The following EIF2B3 variants were observed in gnomAD, a reference collection of about 807,000 sequenced individuals.
EIF2B3 encodes translation initiation factor eIF2B subunit gamma.
In EIF2B3, 20 loss-of-function variants were observed where a neutral mutation model predicts 54.1. The ratio of observed to expected loss-of-function variants is 0.37; its 90% CI spans 0.26 to 0.54. EIF2B3 has a LOEUF of 0.54. Among genes scored for constraint, EIF2B3 ranks in the 20% least tolerant of loss-of-function variants. The pLI is 0.86. For synonymous variants in EIF2B3, 153 were observed against 188.1 expected, an observed-to-expected ratio of 0.81 and a Z score of 1.52; for missense variants, 448 against 547.8, an observed-to-expected ratio of 0.82 and a Z score of 1.82.
intron 3 of EIF2B3, among the ~76,000 whole-genome samples, chr1:44,966,845 C>T (rs183116050): frequency 1.7e-4 from 26 of 152,172 alleles, no homozygotes; most frequent in African/African-American, 3.4e-4. Flanking sequence ...TTTTTTGAGA[C>T]GGAGTCTCAC....
intron 3 of EIF2B3, among the ~76,000 whole-genome samples, chr1:44,957,114 A>C (rs1161633945): frequency 6.6e-6 from 1 of 152,148 alleles, no homozygotes. Context: ...AAAAGAAAAA[A>C]AATTAGCCGG....
At chr1:44,914,160 ATTTT>A (rs34681417) in intron 5 of EIF2B3, among the ~76,000 whole-genome samples, 1 of 133,624 alleles carries the variant, frequency 7.5e-6, no homozygotes, top group Non-Finnish European at 1.6e-5. Context: ...TAAATTGGGA[ATTTT>A]TTTTTTTTTT....
chr1:44,899,910 A>T (rs1643243892), intron 5 of EIF2B3, among the ~76,000 whole-genome samples: 1 of 152,252 alleles, frequency 6.6e-6, no homozygotes, highest in Non-Finnish European at 1.5e-5. Flanking sequence ...TAGTCACAAT[A>T]GCAAAGACAT....
chr1:44,884,823 C>T (rs1427737187), intron 6 of EIF2B3, among the ~76,000 whole-genome samples: 4 of 152,124 alleles, frequency 2.6e-5, no homozygotes, highest in Admixed American at 6.5e-5. Context: ...GGCAAGCAGA[C>T]GAGCCTTGGC....
At chr1:44,853,378 G>T (rs1334329435) in intron 11 of EIF2B3, among the ~76,000 whole-genome samples, 1 of 152,090 alleles carries the variant, frequency 6.6e-6, no homozygotes, top group Non-Finnish European at 1.5e-5. Flanking sequence ...GGGAGGCCAA[G>T]GTGGGTGGAT....
intron 6 of EIF2B3, among the ~76,000 whole-genome samples, chr1:44,884,210 A>T (rs1557669841): frequency 6.6e-6 from 1 of 152,214 alleles, no homozygotes; most frequent in African/African-American, 2.4e-5. Flanking sequence ...TCTGGTAGCA[A>T]TGTGGAAGAA....
intron 3 of EIF2B3, among the ~76,000 whole-genome samples, chr1:44,944,260 G>C (rs1170961267): frequency 6.6e-6 from 1 of 152,130 alleles, no homozygotes; most frequent in Non-Finnish European, 1.5e-5. Flanking sequence ...AATCAACCAA[G>C]GCAGCTCCTC....
chr1:44,947,516 G>A (rs974984351), intron 3 of EIF2B3, among the ~76,000 whole-genome samples: 21 of 152,112 alleles, frequency 1.4e-4, no homozygotes, highest in Non-Finnish European at 4.4e-5. Flanking sequence ...GTGGTGGGGC[G>A]GGAGGTGAGG....
chr1:44,985,163 T>C (rs566063), intron 1 of EIF2B3, among the ~76,000 whole-genome samples: 47,117 of 152,086 alleles, frequency 0.31, 8,151 homozygotes, highest in African/African-American at 0.45. Context: ...AGACAGAGAC[T>C]AGATTATGGA....
intron 10 of EIF2B3, among the ~76,000 whole-genome samples, chr1:44,863,355 CAT>C (rs1464124681): frequency 6.6e-6 from 1 of 152,100 alleles, no homozygotes; most frequent in Non-Finnish European, 1.5e-5. Context: ...GAGAAAGAAT[CAT>C]GTGTTATTTT....
At chr1:44,947,507 T>C (rs559826923) in intron 3 of EIF2B3, among the ~76,000 whole-genome samples, 11 of 151,996 alleles carry the variant, frequency 7.2e-5, no homozygotes, top group Admixed American at 2.0e-4. Flanking sequence ...GTGGCTGTAG[T>C]GGTGGGGCGG....
rs1557716745 is a variant in EIF2B3, at chr1:44,981,157, T to G, written c.12A>C (p.Gln4His). 1.9e-6 allele frequency: 3 copies of G among 1,612,648 alleles called. No individual in the cohort carries two copies. The highest frequency in any genetic ancestry group is 1.7e-6 in the Non-Finnish European group (2 of 1,179,902). The change falls in exon 2 of 12, where the codon CAA becomes CAC. Residue 4 changes from glutamine to histidine, a missense_variant. By Grantham distance (24) the Gln-to-His change is conservative (BLOSUM62 0). Around this residue, in one of 3 missense-constraint regions of EIF2B3, gnomAD observed 95 missense variants for 115.7 expected, o/e 0.82. Coordinates refer to ENST00000360403, the MANE Select transcript of EIF2B3 (RefSeq NM_020365.5). MEFQAVVMAVGGGS... is the reference protein window; with the variant it reads MEFHAVVMAVGGGS... ...CTCCACCTACTGCCATCACTACTGC[T>G]TGAAATTCCATTTTTACAAACTGCA...
At chr1:44,942,404 TATATA>T (rs1644038860) in intron 3 of EIF2B3, among the ~76,000 whole-genome samples, 1 of 21,894 alleles carries the variant, frequency 4.6e-5, no homozygotes, top group African/African-American at 2.6e-4. Flanking sequence ...TATATATATA[TATATA>T]TATATATATT....
intron 5 of EIF2B3, among the ~76,000 whole-genome samples, chr1:44,903,204 G>A (rs1234279486): frequency 2.6e-5 from 4 of 152,190 alleles, no homozygotes; most frequent in African/African-American, 9.6e-5. Context: ...AAGCAGTTCT[G>A]AAAGGCAGCC....
intron 3 of EIF2B3, among the ~76,000 whole-genome samples, chr1:44,962,652 T>C (rs1644297445): frequency 6.6e-6 from 1 of 152,146 alleles, no homozygotes; most frequent in Non-Finnish European, 1.5e-5. Context: ...TGGGCTCAAG[T>C]GATCCTCCTG....
chr1:44,937,676 G>A (rs932982720), intron 4 of EIF2B3, among the ~76,000 whole-genome samples: 1 of 151,738 alleles, frequency 6.6e-6, no homozygotes, highest in African/African-American at 2.4e-5. Context: ...GAGGTCAGGA[G>A]ATCGAGACCA....
At chr1:44,889,166 T>C (rs186421893) in intron 6 of EIF2B3, among the ~76,000 whole-genome samples, 1 of 152,320 alleles carries the variant, frequency 6.6e-6, no homozygotes, top group Non-Finnish European at 1.5e-5. Flanking sequence ...GAAGTTACCT[T>C]TGGTTAAGTT....
chr1:44,882,282 C>T (rs997210789), intron 6 of EIF2B3, among the ~76,000 whole-genome samples: 7 of 152,148 alleles, frequency 4.6e-5, no homozygotes, highest in East Asian at 3.8e-4. Flanking sequence ...GGCCAGATCA[C>T]GAAAGCTTTT....
chr1:44,888,278 G>A (rs1655667368), intron 6 of EIF2B3, among the ~76,000 whole-genome samples: 4 of 152,194 alleles, frequency 2.6e-5, no homozygotes, highest in Admixed American at 2.6e-4. Flanking sequence ...CCATGCAGCC[G>A]TTTGGGCGGC....
Sources: allele counts gnomAD v4.1 joint callset (sites outside exome capture counted in the v4.1 genomes callset), GRCh38; gene constraint gnomAD v4.1.1; regional missense constraint gnomAD v4.1.1; transcripts MANE v1.5; gene names NCBI Gene and HGNC (gene_info 2026-07-23, HGNC 2026-07-21).